GSE1: variants seen among roughly 807,000 people sequenced by gnomAD.
GSE1 encodes genetic suppressor element 1.
GSE1 carries 32 observed loss-of-function variants against 112.6 expected under a neutral mutation model. The observed-to-expected ratio is 0.28, with a 90% CI of 0.21 to 0.38. The LOEUF (loss-of-function observed/expected upper bound fraction) is 0.38, where lower values mean the gene tolerates loss of function less well. GSE1 is among the 10% of genes least tolerant of loss of function. GSE1 has a pLI of 1.00. For synonymous variants in GSE1, 1,115 were observed against 735.6 expected (o/e 1.52, Z -8.35); for missense variants, 2,348 against 1,699.2 (o/e 1.38, Z -6.71).
Position 85,661,917 on chromosome 16 carries a change from G to GT in GSE1, c.2260+153dup, listed in dbSNP as rs982495611. The GT allele has an allele frequency of 4.3e-5, 31 of 714,490 alleles. No homozygotes were observed. In the African/African-American group the frequency reaches 5.5e-4, roughly 13 times the overall value. 44.3% of individuals were successfully genotyped at this position (714,490 alleles called of 1,614,324 possible). On this transcript the variant is annotated intron_variant, in intron 9 of 15. Coordinates refer to ENST00000253458, the MANE Select transcript of GSE1 (RefSeq NM_014615.5). ...AGGTGGCAAGTGCACTGGCTTCTTT[G>GT]TAGCAGCATGACACCCTCGTAGGGG...
At chr16:85,548,364 T>G (rs2044779145) in intron 2 of GSE1, among the ~76,000 whole-genome samples, 1 of 152,182 alleles carries the variant, frequency 6.6e-6, no homozygotes, top group African/African-American at 2.4e-5. Context: ...TCTTCTTTTT[T>G]TTTTTTAAAC....
chr16:85,234,684 C>A (rs1192918054), intron 1 of GSE1, among the ~76,000 whole-genome samples: 1 of 152,190 alleles, frequency 6.6e-6, no homozygotes, highest in African/African-American at 2.4e-5. Flanking sequence ...AAGCCGCTGG[C>A]CTCACACTGC....
At chr16:85,559,355 T>C (rs2045402576) in intron 1 of GSE1, among the ~76,000 whole-genome samples, 1 of 152,240 alleles carries the variant, frequency 6.6e-6, no homozygotes, top group Admixed American at 6.5e-5. Context: ...TCTGCCACAC[T>C]GAACTGGGAA....
chr16:85,522,498 G>A (rs922117528), intron 2 of GSE1, among the ~76,000 whole-genome samples: 3 of 151,314 alleles, frequency 2.0e-5, no homozygotes, highest in African/African-American at 2.5e-5. Context: ...CGTTTCTCGT[G>A]AGAGTGATTG....
chr16:85,618,357 A>G (rs549144148), intron 1 of GSE1, among the ~76,000 whole-genome samples: 3 of 152,314 alleles, frequency 2.0e-5, no homozygotes, highest in South Asian at 2.1e-4. Flanking sequence ...TGCCCGCCAC[A>G]TGCCCCTGAC....
At chr16:85,253,486 G>T (rs772114122) in intron 1 of GSE1, among the ~76,000 whole-genome samples, 5 of 152,238 alleles carry the variant, frequency 3.3e-5, no homozygotes, top group Non-Finnish European at 5.9e-5. Context: ...GGACCCCTTT[G>T]TTCCTCTGCC....
At chr16:85,547,181 G>C (rs543619660) in intron 2 of GSE1, among the ~76,000 whole-genome samples, 1 of 152,348 alleles carries the variant, frequency 6.6e-6, no homozygotes, top group Admixed American at 6.5e-5. Flanking sequence ...ACAATGCCCA[G>C]AGCTTCCCAG....
chr16:85,170,122 G>T, exon 1 of GSE1: 1 of 985,342 alleles, frequency 1.0e-6, no homozygotes, highest in Non-Finnish European at 1.2e-6. Context: ...CCAGGACGGG[G>T]CCCCAGGGCC....
chr16:85,509,460 C>T (rs1159640627), intron 2 of GSE1, among the ~76,000 whole-genome samples: 1 of 152,258 alleles, frequency 6.6e-6, no homozygotes, highest in African/African-American at 2.4e-5. Flanking sequence ...CCAAGGCCCT[C>T]CCAGCCAGCT....
At chr16:85,352,702 C>G (rs925027173) in intron 1 of GSE1, among the ~76,000 whole-genome samples, 7 of 152,220 alleles carry the variant, frequency 4.6e-5, no homozygotes, top group African/African-American at 1.4e-4. Flanking sequence ...TCTCCACCTT[C>G]AAGATGGTGC....
chr16:85,638,176 T>G (rs888197838), intron 2 of GSE1, among the ~76,000 whole-genome samples: 1 of 152,168 alleles, frequency 6.6e-6, no homozygotes, highest in African/African-American at 2.4e-5. Context: ...GCGTCTCTCC[T>G]CTCATTGTGT....
At chr16:85,473,516 T>C (rs891876826) in intron 2 of GSE1, among the ~76,000 whole-genome samples, 2 of 152,184 alleles carry the variant, frequency 1.3e-5, no homozygotes, top group African/African-American at 4.8e-5. Context: ...GAGAAGACCC[T>C]CCCTGCCTCT....
rs556872250 is a variant in GSE1, at chr16:85,289,656, G to A, written c.2284-67807G>A. On this transcript the variant is annotated intron_variant, in intron 1 of 2. Transcript: ENST00000637419. The stretch of plus-strand genomic sequence containing the variant: ...GGCTTAGGGGCTTAGGGTAAGCAAC[G>A]GGGTGGTGGTGGGATACAGGAGGGT... Among the ~76,000 whole-genome samples the A allele has an allele frequency of 3.2e-3, 487 of 152,300 alleles. 1 individual carries two copies. The highest frequency in any genetic ancestry group is 0.011 in the African/African-American group (455 of 41,558).
At chr16:85,559,522 G>C (rs2151279718) in intron 1 of GSE1, among the ~76,000 whole-genome samples, 1 of 152,324 alleles carries the variant, frequency 6.6e-6, no homozygotes, top group South Asian at 2.1e-4. Flanking sequence ...ACACTGCAGG[G>C]AGCAAGGGCC....
In GSE1 at chr16:85,412,699, A is replaced by G. The variant is rs67684635; in HGVS notation, c.2464+55056A>G. ...TAATCCTCACCGTTACACTCAGGGC[A>G]CCTGGATAATCCTCACTGTTACTCT... On this transcript the variant is annotated intron_variant, in intron 2 of 2. Coordinates refer to the GSE1 transcript ENST00000637419. 1.2e-4 allele frequency among the ~76,000 whole-genome samples: 4 copies of G among 33,338 alleles called. 1 individual carries two copies. Among genetic ancestry groups the G allele is most frequent in the Non-Finnish European group, 2.4e-4 (4 of 16,634 alleles). The allele number at this position is 33,338 out of a possible 152,430, so 21.9% of individuals were successfully genotyped here.
At chr16:85,224,228 G>A (rs766566024) in intron 1 of GSE1, among the ~76,000 whole-genome samples, 16 of 136,548 alleles carry the variant, frequency 1.2e-4, no homozygotes, top group Non-Finnish European at 1.8e-4. Context: ...TGAAGGATGC[G>A]CATGAAAAGC....
intron 1 of GSE1, among the ~76,000 whole-genome samples, chr16:85,561,064 C>G (rs971973094): frequency 1.3e-5 from 2 of 151,254 alleles, no homozygotes; most frequent in African/African-American, 2.4e-5. Flanking sequence ...CCCAGGAGGT[C>G]GAGGCTGCAG....
chr16:85,673,154 A>AT lies in GSE1; in HGVS notation c.*616dup. The AT allele has an allele frequency of 6.5e-6, 1 of 152,672 alleles. No homozygotes were observed. Among genetic ancestry groups the AT allele is most frequent in the East Asian group, 1.9e-4 (1 of 5,192 alleles). 9.5% of individuals were successfully genotyped at this position (152,672 alleles called of 1,614,324 possible). Reference sequence around the variant, plus strand: ...TGGAAAAGCTCTTTCTTACCTAAAGATAAAACCAATTCACAAACTGAAGGT... The same window carrying AT: ...TGGAAAAGCTCTTTCTTACCTAAAGATTAAAACCAATTCACAAACTGAAGGT... On this transcript the variant is annotated 3_prime_UTR_variant, in exon 16 of 16. Transcript: ENST00000253458.
In GSE1 at chr16:85,645,138, G is replaced by A. The variant is rs563475200; in HGVS notation, c.227-3414G>A. 1.1e-4 allele frequency among the ~76,000 whole-genome samples: 16 copies of A among 151,510 alleles called. No homozygotes were observed. In the South Asian group the frequency reaches 2.1e-3, roughly 20 times the overall value. On this transcript the variant is annotated intron_variant, in intron 2 of 15. Coordinates refer to ENST00000253458, the MANE Select transcript of GSE1 (RefSeq NM_014615.5). ...AGTGCCCAGTCCCAGGTGTTGGCCC[G>A]GTCGACTTGGGGTGGTGGAGTTCTC...
Sources: allele counts gnomAD v4.1 joint callset (sites outside exome capture counted in the v4.1 genomes callset), GRCh38; gene constraint gnomAD v4.1.1; transcripts MANE v1.5; gene names NCBI Gene and HGNC (gene_info 2026-07-23, HGNC 2026-07-21).